The following HOXC4 variants were observed in gnomAD, a reference collection of about 807,000 sequenced individuals.
HOXC4 encodes homeobox protein Hox-C4.
HOXC4 carries 15 observed loss-of-function variants against 25.5 expected under a neutral mutation model. The observed-to-expected ratio is 0.59, with a 90% CI of 0.39 to 0.91. The LOEUF (loss-of-function observed/expected upper bound fraction) is 0.91, where lower values mean the gene tolerates loss of function less well. Among genes scored for constraint, HOXC4 ranks in the 40% least tolerant of loss-of-function variants. The probability of loss-of-function intolerance (pLI) is 0.00; values close to 1 mark genes in which losing one functional copy is unlikely to be tolerated. For missense variants in HOXC4, 342 were observed against 352.4 expected, an observed-to-expected ratio of 0.97 and a Z score of 0.24; for synonymous variants, 165 against 148.0, an observed-to-expected ratio of 1.11 and a Z score of -0.83.
intron 1 of HOXC4, among the ~76,000 whole-genome samples, chr12:54,023,274 C>T (rs1388194004): frequency 6.6e-6 from 1 of 152,082 alleles, no homozygotes; most frequent in African/African-American, 2.4e-5. Flanking sequence ...ATGTTTGGGA[C>T]CTATTTTACG....
chr12:54,035,388 G>A (rs1157891628), intron 1 of HOXC4: 2 of 152,670 alleles, frequency 1.3e-5, no homozygotes, highest in African/African-American at 4.8e-5. Context: ...TCTGTTTGGG[G>A]CATGTATTGG....
intron 1 of HOXC4, chr12:54,033,662 G>C (rs985817252): frequency 2.0e-5 from 25 of 1,219,796 alleles, no homozygotes; most frequent in Non-Finnish European, 2.8e-5. Context: ...AAAACCTGCG[G>C]CCATAAATTT....
upstream of HOXC4, among the ~76,000 whole-genome samples, chr12:54,051,973 T>C (rs888702060): frequency 1.3e-5 from 2 of 152,160 alleles, no homozygotes; most frequent in Non-Finnish European, 2.9e-5. Flanking sequence ...ATTTTTTTTT[T>C]CCCTTTCCCC....
chr12:54,034,314 G>T, intron 1 of HOXC4: 2 of 1,614,100 alleles, frequency 1.2e-6, no homozygotes, highest in Non-Finnish European at 1.7e-6. Context: ...AGTTACACGC[G>T]CTACCAGACT....
chr12:54,041,961 C>CCTTTT (rs1470352400), intron 1 of HOXC4, among the ~76,000 whole-genome samples: 37 of 148,956 alleles, frequency 2.5e-4, no homozygotes, highest in African/African-American at 7.5e-4. Context: ...CCGCGCCCAG[C>CCTTTT]CTTTTCTTTT....
intron 1 of HOXC4, chr12:54,028,259 A>ATTT (rs1489225541): frequency 4.7e-5 from 8 of 168,478 alleles, no homozygotes; most frequent in African/African-American, 2.1e-4. Context: ...ATATATATAT[A>ATTT]TATATATATT....
chr12:54,017,710 C>T (rs567218746), intron 1 of HOXC4, among the ~76,000 whole-genome samples: 5 of 152,132 alleles, frequency 3.3e-5, no homozygotes, highest in Non-Finnish European at 7.4e-5. Flanking sequence ...GGCGCCAGCT[C>T]TCTGCTGCCC....
intron 1 of HOXC4, chr12:54,034,609 C>T: frequency 1.2e-6 from 1 of 817,302 alleles, no homozygotes; most frequent in Non-Finnish European, 1.9e-6. Flanking sequence ...GCACTGGGCT[C>T]CCGGGCCCCA....
chr12:54,030,473 C>T (rs1395673838), intron 1 of HOXC4: 1 of 152,922 alleles, frequency 6.5e-6, no homozygotes, highest in Non-Finnish European at 1.5e-5. Context: ...CTGCCTAGCC[C>T]CTCTGCCCCA....
chr12:54,054,790 G>A, intron 1 of HOXC4, 60 bp from the exon 2 acceptor site: 1 of 1,112,862 alleles, frequency 9.0e-7, no homozygotes, highest in Non-Finnish European at 1.3e-6. Flanking sequence ...TGGGGTGAGG[G>A]TGGGGGGCGG....
Position 54,054,097 on chromosome 12 carries a change from C to A in HOXC4, c.175C>A (p.Arg59Ser). The A allele has an allele frequency of 6.2e-7, 1 of 1,614,226 alleles. No individual in the cohort carries two copies. The highest frequency in any genetic ancestry group is 1.1e-5 in the South Asian group (1 of 91,084). Reference sequence around the variant, plus strand: ...GGAGCTGTACCCACCACCGCCTCCGCGCCCTAGCTACCCTGAGCGCCAGTA... The same window carrying A: ...GGAGCTGTACCCACCACCGCCTCCGAGCCCTAGCTACCCTGAGCGCCAGTA... ...HQELYPPPPP[R>S]PSYPERQYSC... Residue 59 changes from arginine (R) to serine (S), a missense_variant, in exon 1 of 2, where the codon CGC (arginine) becomes AGC (serine). Coordinates refer to ENST00000430889, the MANE Select transcript of HOXC4 (RefSeq NM_153633.3).
intron 1 of HOXC4, among the ~76,000 whole-genome samples, chr12:54,036,514 G>A (rs1312542153): frequency 6.6e-6 from 1 of 152,124 alleles, no homozygotes; most frequent in African/African-American, 2.4e-5. Context: ...AAAGACCCAA[G>A]AGCCTTTCCT....
At chr12:54,042,453 C>T (rs886664656) in intron 1 of HOXC4, among the ~76,000 whole-genome samples, 2 of 152,206 alleles carry the variant, frequency 1.3e-5, no homozygotes, top group Non-Finnish European at 2.9e-5. Flanking sequence ...TCTATCCACA[C>T]AGGCACTGGG....
intron 1 of HOXC4, among the ~76,000 whole-genome samples, chr12:54,048,238 T>C (rs904170021): frequency 5.9e-5 from 9 of 151,934 alleles, no homozygotes; most frequent in Admixed American, 5.9e-4. Flanking sequence ...GATCTTATTA[T>C]TGAGGTTAAT....
intron 1 of HOXC4, among the ~76,000 whole-genome samples, chr12:54,025,533 G>A (rs1030364390): frequency 6.2e-5 from 3 of 48,424 alleles, no homozygotes; most frequent in South Asian, 5.4e-4. Flanking sequence ...TAATTGGGGG[G>A]GGGGGAGGTG....
At chr12:54,020,301 C>G (rs1940375865) in intron 1 of HOXC4, 1 of 152,278 alleles carries the variant, frequency 6.6e-6, no homozygotes, top group Admixed American at 6.5e-5. Context: ...TGGAGCCTCC[C>G]CCTCTGAGCC....
At chr12:54,051,605 G>C (rs1375044025), upstream of HOXC4, among the ~76,000 whole-genome samples, 1 of 152,224 alleles carries the variant, frequency 6.6e-6, no homozygotes, top group Non-Finnish European at 1.5e-5. Flanking sequence ...TCCATTAGAG[G>C]TGTTCAGCCT....
intron 1 of HOXC4, among the ~76,000 whole-genome samples, chr12:54,048,156 G>A (rs1420806706): frequency 1.3e-5 from 2 of 152,078 alleles, no homozygotes; most frequent in Non-Finnish European, 2.9e-5. Flanking sequence ...ACCCCTTTGG[G>A]CTGGAAAGGA....
intron 1 of HOXC4, chr12:54,033,086 A>T: frequency 6.4e-7 from 1 of 1,561,998 alleles, no homozygotes; most frequent in Non-Finnish European, 8.8e-7. Flanking sequence ...ACCCTTAATC[A>T]AAAAGGGTGC....
Sources: allele counts gnomAD v4.1 joint callset (sites outside exome capture counted in the v4.1 genomes callset), GRCh38; gene constraint gnomAD v4.1.1; transcripts MANE v1.5; gene names NCBI Gene and HGNC (gene_info 2026-07-23, HGNC 2026-07-21).